The following CSMD1 variants were observed in gnomAD, a reference collection of about 807,000 sequenced individuals.
The protein encoded by CSMD1 is CUB and Sushi multiple domains 1.
A neutral mutation model predicts 417.5 loss-of-function variants in CSMD1; 213 were observed. That is an observed-to-expected ratio of 0.51 (90% confidence interval 0.46 to 0.57). The LOEUF (loss-of-function observed/expected upper bound fraction) is 0.57. Ranked by LOEUF, CSMD1 falls within the 20% of genes least tolerant of loss-of-function variation. CSMD1 has a pLI of 0.00. For missense variants in CSMD1, 6,923 were observed against 4,529.7 expected (o/e 1.53, Z -15.17); for synonymous variants, 2,862 against 1,736.8 (o/e 1.65, Z -16.11).
At chr8:4,143,593 T>G (rs1436778219) in intron 3 of CSMD1, among the ~76,000 whole-genome samples, 1 of 151,092 alleles carries the variant, frequency 6.6e-6, no homozygotes, top group Non-Finnish European at 1.5e-5. Flanking sequence ...CCCCTTTAAC[T>G]AGTTGTGATG....
At chr8:4,325,368 C>G (rs750334318) in intron 3 of CSMD1, among the ~76,000 whole-genome samples, 11 of 151,974 alleles carry the variant, frequency 7.2e-5, no homozygotes, top group Non-Finnish European at 1.6e-4. Flanking sequence ...TTAGATAATC[C>G]CAAGAGACAG....
intron 6 of CSMD1, among the ~76,000 whole-genome samples, chr8:3,739,845 G>A (rs886214544): frequency 6.6e-6 from 1 of 152,152 alleles, no homozygotes; most frequent in East Asian, 1.9e-4. Flanking sequence ...TTTACATTTG[G>A]GACAATTAAA....
At chr8:3,275,879 C>G (rs1450087325) in intron 26 of CSMD1, among the ~76,000 whole-genome samples, 3 of 152,152 alleles carry the variant, frequency 2.0e-5, no homozygotes, top group Admixed American at 1.3e-4. Context: ...TTTGAATGTC[C>G]TCCTGTAGCT....
At chr8:4,862,106 G>A (rs1345374557) in intron 1 of CSMD1, among the ~76,000 whole-genome samples, 3 of 152,044 alleles carry the variant, frequency 2.0e-5, no homozygotes, top group Non-Finnish European at 2.9e-5. Context: ...AGGAAGGAAG[G>A]AGTGAGTCAG....
At chr8:4,125,798 T>A (rs556300813) in intron 3 of CSMD1, among the ~76,000 whole-genome samples, 1 of 152,174 alleles carries the variant, frequency 6.6e-6, no homozygotes, top group Non-Finnish European at 1.5e-5. Flanking sequence ...AATTGATCAA[T>A]TGATAACAGC....
rs1394916821 is a variant in CSMD1 at position 4,441,321 on chromosome 8, T to A, written c.303-21256A>T. Among the ~76,000 whole-genome samples the A allele has an allele frequency of 3.8e-5, 5 of 131,494 alleles. No homozygotes were observed. In the East Asian group the frequency reaches 1.3e-3, roughly 33 times the overall value. The allele number at this position is 131,494 out of a possible 152,430, so 86.3% of individuals were successfully genotyped here. ...GAGAGGGAGGTCTCACTCTGCCCCC[T>A]AGGCTAGTTTTAAACAGCTGGCCCC... On this transcript the variant is annotated intron_variant, in intron 2 of 69. Coordinates refer to ENST00000635120, the MANE Select transcript of CSMD1 (RefSeq NM_033225.6).
chr8:4,574,622 A>G (rs901350725), intron 2 of CSMD1, among the ~76,000 whole-genome samples: 3 of 152,176 alleles, frequency 2.0e-5, no homozygotes, highest in African/African-American at 7.2e-5. Context: ...TGTGTCCATG[A>G]ATACATTAAT....
At chr8:3,781,439 T>A (rs1054744475) in intron 5 of CSMD1, among the ~76,000 whole-genome samples, 1 of 150,708 alleles carries the variant, frequency 6.6e-6, no homozygotes, top group Non-Finnish European at 1.5e-5. Context: ...GTCTGGGGGG[T>A]TTCCTCTCAG....
At chr8:3,619,440 G>A (rs1048080852) in intron 7 of CSMD1, among the ~76,000 whole-genome samples, 2 of 151,760 alleles carry the variant, frequency 1.3e-5, no homozygotes, top group Non-Finnish European at 2.9e-5. Context: ...GCCATTCAAA[G>A]GGTCGAAATA....
At chr8:3,445,519 C>G (rs1815243475) in intron 12 of CSMD1, among the ~76,000 whole-genome samples, 3 of 152,132 alleles carry the variant, frequency 2.0e-5, no homozygotes, top group Admixed American at 2.0e-4. Flanking sequence ...ATGTGCACAA[C>G]TCTTTTCATT....
chr8:3,990,812 C>T (rs1013300490), intron 5 of CSMD1, among the ~76,000 whole-genome samples: 3 of 152,188 alleles, frequency 2.0e-5, no homozygotes, highest in Middle Eastern at 3.4e-3. Context: ...GGAAATAATT[C>T]CTAGGGTATA....
chr8:3,795,915 TATAG>T lies in CSMD1; in HGVS notation c.819-41877_819-41874del, dbSNP rs1347344232. On this transcript the variant is annotated intron_variant, in intron 5 of 69. Coordinates refer to ENST00000635120, the MANE Select transcript of CSMD1 (RefSeq NM_033225.6). ...TACAGATATATATATCATGTACAGA[TATAG>T]ATATCTATCATGTACAGATATAGAT... Among the ~76,000 whole-genome samples the T allele has an allele frequency of 4.0e-5, 2 of 50,630 alleles. 1 individual carries two copies. Among genetic ancestry groups the T allele is most frequent in the Non-Finnish European group, 9.0e-5 (2 of 22,132 alleles). 33.2% of individuals were successfully genotyped at this position (50,630 alleles called of 152,430 possible).
intron 2 of CSMD1, among the ~76,000 whole-genome samples, chr8:4,506,458 C>G (rs1481956533): frequency 6.6e-6 from 1 of 152,122 alleles, no homozygotes; most frequent in African/African-American, 2.4e-5. Flanking sequence ...CTCCCCTCCC[C>G]TATGCTAAGG....
At chr8:3,775,011 A>T (rs1210756864) in intron 5 of CSMD1, among the ~76,000 whole-genome samples, 1 of 152,116 alleles carries the variant, frequency 6.6e-6, no homozygotes, top group Non-Finnish European at 1.5e-5. Flanking sequence ...CGGCAGGACC[A>T]AGCAGGATAC....
At chr8:4,787,386 AAAG>A (rs574424193) in intron 1 of CSMD1, 5 of 735,062 alleles carry the variant, frequency 6.8e-6, no homozygotes, top group Non-Finnish European at 1.2e-5. Flanking sequence ...GGGTAAAACA[AAAG>A]AAGTCTACGA....
At chr8:3,097,759 G>A (rs569464409) in intron 46 of CSMD1, among the ~76,000 whole-genome samples, 23 of 152,236 alleles carry the variant, frequency 1.5e-4, no homozygotes, top group African/African-American at 1.9e-4. Flanking sequence ...ACCTCGGATC[G>A]GGGGTGGGGG....
intron 47 of CSMD1, 109 bp from the exon 48 acceptor site, chr8:3,091,771 T>C: frequency 1.2e-6 from 1 of 854,986 alleles, no homozygotes; most frequent in Non-Finnish European, 1.7e-6. Flanking sequence ...AATACACAGA[T>C]ATAATTATTA....
intron 41 of CSMD1, among the ~76,000 whole-genome samples, chr8:3,140,486 G>A (rs1051451944): frequency 6.6e-6 from 1 of 152,108 alleles, no homozygotes; most frequent in Admixed American, 6.6e-5. Flanking sequence ...GCAATGTCTA[G>A]AGACATATTG....
rs140910310 is a variant in CSMD1, at chr8:4,906,482, T to G, written c.85+87850A>C. Among the ~76,000 whole-genome samples the G allele has an allele frequency of 3.8e-3, 547 of 145,488 alleles. 2 individuals carry two copies. Among genetic ancestry groups the G allele is most frequent in the Middle Eastern group, 6.9e-3 (2 of 290 alleles). ...TTTTTTGTAGCAAAGGAATACATCCTCTTACATGATTTCACACACTTTGTT... is the reference window on the plus strand; with the variant it reads ...TTTTTTGTAGCAAAGGAATACATCCGCTTACATGATTTCACACACTTTGTT... On this transcript the variant is annotated intron_variant, in intron 1 of 69. Transcript: ENST00000635120.
Sources: gnomAD v4.1 joint callset for allele counts (sites outside exome capture counted in the v4.1 genomes callset) on GRCh38, gnomAD v4.1.1 for gene constraint, MANE v1.5 for transcripts, NCBI Gene and HGNC (gene_info 2026-07-23, HGNC 2026-07-21) for gene names.